ATRNL1: variants seen among roughly 807,000 people sequenced by gnomAD.
The protein encoded by ATRNL1 is attractin like 1, also known as attractin-like protein 1.
Under a neutral mutation model 182.7 loss-of-function variants are expected in ATRNL1, and 95 were observed. That is an observed-to-expected ratio of 0.52 (90% confidence interval 0.44 to 0.62). The LOEUF is 0.62. Among genes scored for constraint, ATRNL1 ranks in the 20% least tolerant of loss-of-function variants. The pLI is 0.00. For missense variants in ATRNL1, 1,471 were observed against 1,679.5 expected (o/e 0.88, Z 2.17); for synonymous variants, 576 against 568.3 (o/e 1.01, Z -0.19).
intron 17 of ATRNL1, among the ~76,000 whole-genome samples, chr10:115,311,754 A>G (rs1007424287): frequency 1.3e-5 from 2 of 152,042 alleles, no homozygotes; most frequent in African/African-American, 4.8e-5. Context: ...TCTTAGGTCT[A>G]GTATTGATTG....
chr10:115,333,361 T>G (rs1447668327), intron 18 of ATRNL1, among the ~76,000 whole-genome samples: 1 of 152,208 alleles, frequency 6.6e-6, no homozygotes, highest in African/African-American at 2.4e-5. Flanking sequence ...TACACAGATA[T>G]ATAAACAATC....
At chr10:115,809,215 AAT>A (rs1185907327) in intron 27 of ATRNL1, among the ~76,000 whole-genome samples, 4 of 152,000 alleles carry the variant, frequency 2.6e-5, no homozygotes, top group African/African-American at 9.7e-5. Flanking sequence ...CCAATCCCAC[AAT>A]GTCTTGGTTA....
At chr10:115,129,880 A>C (rs1554874690) in intron 5 of ATRNL1, among the ~76,000 whole-genome samples, 6 of 152,172 alleles carry the variant, frequency 3.9e-5, no homozygotes, top group South Asian at 2.1e-4. Flanking sequence ...TTCAAATTTG[A>C]TTTATAAGGG....
intron 26 of ATRNL1, among the ~76,000 whole-genome samples, chr10:115,726,375 C>T (rs1947597491): frequency 6.8e-6 from 1 of 147,722 alleles, no homozygotes. Flanking sequence ...AATTGCATCA[C>T]ACGTCCTATT....
At chr10:115,169,310 G>A (rs190066683) in intron 7 of ATRNL1, among the ~76,000 whole-genome samples, 274 of 150,998 alleles carry the variant, frequency 1.8e-3, no homozygotes, top group African/African-American at 6.3e-3. Context: ...GGGTTCAAGC[G>A]ATTGTCCTGC....
intron 28 of ATRNL1, among the ~76,000 whole-genome samples, chr10:115,915,029 T>G (rs558094280): frequency 6.6e-6 from 1 of 152,324 alleles, no homozygotes; most frequent in African/African-American, 2.4e-5. Context: ...TTAAGAGAAT[T>G]ACTGAAATAT....
chr10:115,762,153 C>G (rs1397874344), intron 27 of ATRNL1, among the ~76,000 whole-genome samples: 1 of 152,064 alleles, frequency 6.6e-6, no homozygotes, highest in Non-Finnish European at 1.5e-5. Flanking sequence ...CTGGCATGCC[C>G]CAGCCCCAGC....
At chr10:115,741,457 A>G (rs1948137669) in intron 27 of ATRNL1, among the ~76,000 whole-genome samples, 1 of 152,194 alleles carries the variant, frequency 6.6e-6, no homozygotes, top group Admixed American at 6.6e-5. Context: ...ACATTCACCC[A>G]ATGAGGAAGC....
intron 19 of ATRNL1, among the ~76,000 whole-genome samples, chr10:115,380,680 T>C (rs12248911): frequency 0.021 from 3,242 of 152,288 alleles, 107 homozygotes; most frequent in African/African-American, 0.071. Flanking sequence ...TAAAGGTTCA[T>C]CCATGTTGTA....
At chr10:115,357,934 T>C (rs1203055602) in intron 19 of ATRNL1, among the ~76,000 whole-genome samples, 1 of 151,656 alleles carries the variant, frequency 6.6e-6, no homozygotes, top group East Asian at 1.9e-4. Flanking sequence ...ACTATCACTC[T>C]TTTAGGCTCA....
chr10:115,496,182 C>G (rs1218140176), intron 24 of ATRNL1, among the ~76,000 whole-genome samples: 1 of 152,142 alleles, frequency 6.6e-6, no homozygotes, highest in African/African-American at 2.4e-5. Flanking sequence ...GGTTTTTCTC[C>G]ATCCTTTTAC....
At chr10:115,253,306 C>G (rs560953987) in intron 10 of ATRNL1, among the ~76,000 whole-genome samples, 1 of 152,226 alleles carries the variant, frequency 6.6e-6, no homozygotes, top group East Asian at 1.9e-4. Context: ...GCTGGAATGG[C>G]CAGGCCTTTA....
At chr10:115,602,096 G>A (rs1395775953) in intron 26 of ATRNL1, among the ~76,000 whole-genome samples, 4 of 152,068 alleles carry the variant, frequency 2.6e-5, no homozygotes, top group African/African-American at 9.7e-5. Context: ...GCTCACGCCT[G>A]TAACCCTAGC....
chr10:115,286,553 T>C (rs905342850), intron 15 of ATRNL1, among the ~76,000 whole-genome samples, 156 bp downstream of exon 15: 1 of 151,908 alleles, frequency 6.6e-6, no homozygotes, highest in Non-Finnish European at 1.5e-5. Context: ...TTATTTTGTA[T>C]AAGTAATAAG....
At chr10:115,513,388 T>C (rs566049878) in intron 24 of ATRNL1, among the ~76,000 whole-genome samples, 1 of 152,158 alleles carries the variant, frequency 6.6e-6, no homozygotes, top group African/African-American at 2.4e-5. Context: ...TTTCATGTTC[T>C]TTTTTCTCAT....
intron 24 of ATRNL1, among the ~76,000 whole-genome samples, chr10:115,517,661 A>G (rs1850709491): frequency 6.6e-6 from 1 of 151,790 alleles, no homozygotes; most frequent in Admixed American, 6.6e-5. Flanking sequence ...GTATTTATCA[A>G]CATTGCGTAA....
intron 21 of ATRNL1, among the ~76,000 whole-genome samples, chr10:115,452,560 A>G (rs1464025990): frequency 2.6e-5 from 4 of 152,164 alleles, no homozygotes; most frequent in Non-Finnish European, 2.9e-5. Flanking sequence ...TACAATTGGC[A>G]TAGAAAAACT....
chr10:115,645,833 C>T (rs1859573977), intron 26 of ATRNL1, among the ~76,000 whole-genome samples: 1 of 152,056 alleles, frequency 6.6e-6, no homozygotes, highest in Admixed American at 6.6e-5. Context: ...TCCTGCCACC[C>T]CATCCCTATT....
At chr10:115,334,143 T>C (rs1554935943) in intron 18 of ATRNL1, 139 bp from the exon 19 acceptor site, 14 of 501,294 alleles carry the variant, frequency 2.8e-5, no homozygotes, top group Non-Finnish European at 1.3e-5. Context: ...ATATGTGTTA[T>C]TAATTTTTAA....
Sources: gnomAD v4.1 joint callset for allele counts (sites outside exome capture counted in the v4.1 genomes callset) on GRCh38, gnomAD v4.1.1 for gene constraint, MANE v1.5 for transcripts, NCBI Gene and HGNC (gene_info 2026-07-23, HGNC 2026-07-21) for gene names.